Variants in KCNK2 observed in about 807,000 individuals in gnomAD.
KCNK2 encodes potassium two pore domain channel subfamily K member 2, also known as potassium channel subfamily K member 2.
Under a neutral mutation model 40.5 loss-of-function variants are expected in KCNK2, and 21 were observed. The observed-to-expected ratio is 0.52, with a 90% CI of 0.37 to 0.75. KCNK2 has a LOEUF of 0.75. Ranked by LOEUF, KCNK2 falls within the 30% of genes least tolerant of loss-of-function variation. KCNK2 has a pLI of 0.00. For synonymous variants in KCNK2, 191 were observed against 202.2 expected, an observed-to-expected ratio of 0.94 and a Z score of 0.47; for missense variants, 399 against 531.6, an observed-to-expected ratio of 0.75 and a Z score of 2.45.
intron 1 of KCNK2, among the ~76,000 whole-genome samples, chr1:215,053,120 T>A (rs190578637): frequency 5.3e-5 from 8 of 152,296 alleles, no homozygotes; most frequent in Admixed American, 3.9e-4. Flanking sequence ...CCAGGATATA[T>A]GTGCAGGACG....
At chr1:215,090,653 A>T (rs1659653732) in intron 2 of KCNK2, among the ~76,000 whole-genome samples, 2 of 152,230 alleles carry the variant, frequency 1.3e-5, no homozygotes, top group South Asian at 4.1e-4. Context: ...TGAATCAATT[A>T]TAAGGTTAAA....
At chr1:215,122,874 A>T (rs1476431007) in intron 2 of KCNK2, among the ~76,000 whole-genome samples, 1 of 150,570 alleles carries the variant, frequency 6.6e-6, no homozygotes, top group Non-Finnish European at 1.5e-5. Flanking sequence ...CCTCCCGAGT[A>T]GCTGGGACTA....
rs778948393 is a variant in KCNK2, at chr1:215,172,079, T to C, written c.719T>C (p.Leu240Pro). ...ILFGCVLFVA[L>P]PAIIFKHIEG... is the part of the protein sequence containing the mutation. ...TTTGGCTGTGTACTCTTTGTGGCTC[T>C]GCCTGCGATCATATTCAAACACATA... The change falls in exon 5 of 7, where the codon CTG (leucine) becomes CCG (proline). Residue 240 changes from leucine to proline, a missense_variant. Leu to Pro is a moderately conservative substitution (Grantham distance 98, BLOSUM62 -3). Around this residue, in one of 3 missense-constraint regions of KCNK2, gnomAD observed 279 missense variants for 353.8 expected, o/e 0.79. Coordinates refer to ENST00000444842, the MANE Select transcript of KCNK2 (RefSeq NM_001017425.3). 2.5e-6 allele frequency: 4 copies of C among 1,613,614 alleles called. No individual in the cohort carries two copies. The highest frequency in any genetic ancestry group is 2.2e-5 in the South Asian group (2 of 91,086).
chr1:215,190,038 A>G (rs1558131509), intron 5 of KCNK2, among the ~76,000 whole-genome samples: 5 of 152,220 alleles, frequency 3.3e-5, no homozygotes. Flanking sequence ...AAATCAGAAG[A>G]GATGTATGGA....
chr1:215,160,312 T>C (rs546492810), intron 3 of KCNK2, among the ~76,000 whole-genome samples: 10 of 152,244 alleles, frequency 6.6e-5, no homozygotes, highest in Non-Finnish European at 1.5e-4. Flanking sequence ...AAAAGAAATG[T>C]CTGGATGTGG....
chr1:215,120,651 C>T lies in KCNK2; in HGVS notation c.358-3982C>T, dbSNP rs562524338. ...ATGTTTATTAACTGTGAAACCATTC[C>T]CTCCAGAGTAACTAGATAACAGCAT... On this transcript the variant is annotated intron_variant, in intron 2 of 6. Coordinates refer to ENST00000444842, the MANE Select transcript of KCNK2 (RefSeq NM_001017425.3). Among the ~76,000 whole-genome samples, 31 of 152,154 alleles carry T rather than the reference C, an allele frequency of 2.0e-4. 1 individual carries two copies. In the South Asian group the frequency reaches 6.4e-3, roughly 32 times the overall value.
chr1:215,129,307 C>G (rs1046309798), intron 3 of KCNK2, among the ~76,000 whole-genome samples: 3 of 152,128 alleles, frequency 2.0e-5, no homozygotes, highest in African/African-American at 7.2e-5. Flanking sequence ...TCATTCCCTT[C>G]TCCCCCTACC....
chr1:215,200,859 T>C (rs913086561), intron 6 of KCNK2, among the ~76,000 whole-genome samples: 1 of 152,158 alleles, frequency 6.6e-6, no homozygotes, highest in African/African-American at 2.4e-5. Flanking sequence ...AATGAGAGAT[T>C]TTGCGTAAAT....
chr1:215,056,308 C>T (rs77435464), intron 1 of KCNK2, among the ~76,000 whole-genome samples: 31 of 121,550 alleles, frequency 2.6e-4, no homozygotes, highest in African/African-American at 3.4e-4. Flanking sequence ...AACTCCATCT[C>T]AAAAAAAAAA....
intron 1 of KCNK2, among the ~76,000 whole-genome samples, chr1:215,050,675 G>A (rs1484627738): frequency 6.6e-6 from 1 of 152,186 alleles, no homozygotes; most frequent in Non-Finnish European, 1.5e-5. Flanking sequence ...GGACATTTTT[G>A]AGGATGAGAA....
intron 1 of KCNK2, among the ~76,000 whole-genome samples, chr1:215,037,255 A>G (rs1467151156): frequency 4.6e-5 from 7 of 151,860 alleles, no homozygotes; most frequent in Admixed American, 3.9e-4. Context: ...GATTGGTGAA[A>G]TGATTTCTCT....
At chr1:215,079,581 G>A (rs565144886), upstream of KCNK2, among the ~76,000 whole-genome samples, 102 of 152,154 alleles carry the variant, frequency 6.7e-4, no homozygotes, top group Admixed American at 2.0e-4. Flanking sequence ...GGGAACGTCT[G>A]GCCCCATGAT....
chr1:215,020,947 A>T (rs991825875), intron 1 of KCNK2, among the ~76,000 whole-genome samples: 1 of 152,188 alleles, frequency 6.6e-6, no homozygotes, highest in Non-Finnish European at 1.5e-5. Flanking sequence ...GCCTACCTCT[A>T]ATCTTCTAGT....
At chr1:215,170,641 A>G (rs979040321) in intron 4 of KCNK2, among the ~76,000 whole-genome samples, 2 of 152,184 alleles carry the variant, frequency 1.3e-5, no homozygotes, top group Non-Finnish European at 2.9e-5. Context: ...TCAAAGTTAG[A>G]TCTCAAGCAT....
chr1:215,183,971 C>G (rs1664326546), intron 5 of KCNK2, among the ~76,000 whole-genome samples: 1 of 152,148 alleles, frequency 6.6e-6, no homozygotes, highest in Non-Finnish European at 1.5e-5. Flanking sequence ...GATGGGGACA[C>G]TTTTATGAAC....
At chr1:215,095,171 T>C (rs532712338) in intron 2 of KCNK2, among the ~76,000 whole-genome samples, 1 of 152,202 alleles carries the variant, frequency 6.6e-6, no homozygotes, top group Non-Finnish European at 1.5e-5. Flanking sequence ...AATTCTCACA[T>C]CCCTTAGGCA....
chr1:215,154,807 A>G (rs1295843257), intron 3 of KCNK2, among the ~76,000 whole-genome samples: 1 of 152,126 alleles, frequency 6.6e-6, no homozygotes, highest in African/African-American at 2.4e-5. Flanking sequence ...ATGGCTAGCC[A>G]GTTTTCCCAG....
intron 6 of KCNK2, among the ~76,000 whole-genome samples, chr1:215,213,953 G>A (rs923900847): frequency 3.3e-5 from 5 of 152,008 alleles, no homozygotes; most frequent in Admixed American, 6.6e-5. Flanking sequence ...GTCCATTTGT[G>A]GGTCTTTGCA....
At chr1:215,087,483 T>C (rs576583573) in intron 2 of KCNK2, among the ~76,000 whole-genome samples, 9 of 152,268 alleles carry the variant, frequency 5.9e-5, no homozygotes, top group Non-Finnish European at 1.3e-4. Context: ...CTGGTTTTTG[T>C]AGATTTCTTT....
Sources: gnomAD v4.1 joint callset for allele counts (sites outside exome capture counted in the v4.1 genomes callset) on GRCh38, gnomAD v4.1.1 for gene constraint, gnomAD v4.1.1 regional missense constraint, MANE v1.5 for transcripts, NCBI Gene and HGNC (gene_info 2026-07-23, HGNC 2026-07-21) for gene names.